RNLS: variants seen among roughly 807,000 people sequenced by gnomAD.
RNLS encodes the protein renalase.
A neutral mutation model predicts 39.8 loss-of-function variants in RNLS; 39 were observed. The observed-to-expected ratio is 0.98, with a 90% CI of 0.76 to 1.28. RNLS has a LOEUF of 1.28. Among genes scored for constraint, RNLS ranks in the 50% most tolerant of loss-of-function variants. The pLI is 0.00. For missense variants in RNLS, 410 were observed against 413.3 expected, an observed-to-expected ratio of 0.99 and a Z score of 0.07; for synonymous variants, 147 against 150.7, an observed-to-expected ratio of 0.98 and a Z score of 0.18.
chr10:88,455,719 A>G (rs1667992982), intron 4 of RNLS, among the ~76,000 whole-genome samples: 1 of 152,134 alleles, frequency 6.6e-6, no homozygotes, highest in Admixed American at 6.6e-5. Flanking sequence ...AATTAATTTT[A>G]AATCCTCCCT....
intron 4 of RNLS, among the ~76,000 whole-genome samples, chr10:88,433,169 G>T (rs1295230417): frequency 1.3e-5 from 2 of 152,074 alleles, no homozygotes; most frequent in African/African-American, 2.4e-5. Flanking sequence ...CAGGTCTGAT[G>T]ACTTGAGGTA....
the RNLS span, among the ~76,000 whole-genome samples, chr10:88,197,615 T>C: frequency 6.6e-6 from 1 of 152,180 alleles, no homozygotes; most frequent in Non-Finnish European, 1.5e-5. Context: ...CCCAATGACA[T>C]GGATTGAATT....
At chr10:88,231,968 G>GTGTGTGTGTGTGTGTGTGTGTC in the RNLS span, among the ~76,000 whole-genome samples, 9 of 142,176 alleles carry the variant, frequency 6.3e-5, no homozygotes, top group South Asian at 2.2e-4. Context: ...GTGTGTGTGT[G>GTGTGTGTGTGTGTGTGTGTGTC]TGTCTGTCTC....
chr10:88,245,398 G>A, the RNLS span, among the ~76,000 whole-genome samples: 1 of 152,182 alleles, frequency 6.6e-6, no homozygotes, highest in Non-Finnish European at 1.5e-5. Context: ...AAGAGCTGCA[G>A]TCTCAGAATC....
chr10:88,568,126 A>G (rs975373548), intron 4 of RNLS, among the ~76,000 whole-genome samples: 2 of 152,218 alleles, frequency 1.3e-5, no homozygotes, highest in African/African-American at 4.8e-5. Flanking sequence ...AAATCTGTGC[A>G]GATACTGACA....
chr10:88,479,463 A>G (rs1410486934), intron 4 of RNLS, among the ~76,000 whole-genome samples: 4 of 152,184 alleles, frequency 2.6e-5, no homozygotes, highest in East Asian at 3.8e-4. Flanking sequence ...TTAAGTATTC[A>G]CCACATAATA....
At chr10:88,383,045 C>T (rs764312327) in intron 4 of RNLS, among the ~76,000 whole-genome samples, 2 of 152,074 alleles carry the variant, frequency 1.3e-5, no homozygotes, top group Non-Finnish European at 2.9e-5. Flanking sequence ...ATCAGCGGTG[C>T]TTTGTGGAAC....
chr10:88,526,895 A>G (rs1847133436), intron 4 of RNLS, among the ~76,000 whole-genome samples: 1 of 152,102 alleles, frequency 6.6e-6, no homozygotes, highest in Non-Finnish European at 1.5e-5. Context: ...AACTGCAGAA[A>G]TGTTAAGGAA....
intron 3 of RNLS, among the ~76,000 whole-genome samples, chr10:88,576,216 T>A (rs1258156981): frequency 6.6e-6 from 1 of 152,210 alleles, no homozygotes; most frequent in Non-Finnish European, 1.5e-5. Context: ...TATAATTAGT[T>A]TAATGTCTTT....
the RNLS span, among the ~76,000 whole-genome samples, chr10:88,185,280 T>C: frequency 3.9e-5 from 6 of 152,160 alleles, no homozygotes; most frequent in Admixed American, 1.3e-4. Context: ...CTCTACCTCA[T>C]TGGCCATTAA....
At chr10:88,382,697 C>CAAAT (rs1851622163) in intron 4 of RNLS, among the ~76,000 whole-genome samples, 1 of 152,032 alleles carries the variant, frequency 6.6e-6, no homozygotes, top group Admixed American at 6.6e-5. Flanking sequence ...AAAGACAAGG[C>CAAAT]AAGTAATTTT....
chr10:88,245,291 C>T, the RNLS span, among the ~76,000 whole-genome samples: 45,632 of 152,050 alleles, frequency 0.3, 7,315 homozygotes, highest in East Asian at 0.59. Context: ...TTGCCCAGCA[C>T]CATTGTTCGT....
intron 4 of RNLS, among the ~76,000 whole-genome samples, chr10:88,402,372 T>A (rs1458601809): frequency 6.6e-5 from 10 of 151,940 alleles, no homozygotes; most frequent in Non-Finnish European, 1.3e-4. Flanking sequence ...AATACTAAAC[T>A]TGTTTTTTAA....
chr10:88,338,902 C>T (rs1313785884), intron 5 of RNLS, among the ~76,000 whole-genome samples: 1 of 152,064 alleles, frequency 6.6e-6, no homozygotes, highest in East Asian at 1.9e-4. Flanking sequence ...GCTGGGACTA[C>T]AGGCGCCCGC....
intron 4 of RNLS, among the ~76,000 whole-genome samples, chr10:88,418,538 C>A (rs1854180417): frequency 1.3e-5 from 2 of 152,174 alleles, no homozygotes; most frequent in South Asian, 4.1e-4. Context: ...CTTTAGCCAT[C>A]CAAAATGGCT....
intron 5 of RNLS, among the ~76,000 whole-genome samples, chr10:88,330,085 AT>A (rs1846988491): frequency 7.4e-6 from 1 of 134,542 alleles, no homozygotes; most frequent in South Asian, 2.4e-4. Context: ...ATATATATAT[AT>A]ATATAAATAT....
intron 4 of RNLS, among the ~76,000 whole-genome samples, chr10:88,468,198 A>G (rs1843319858): frequency 6.6e-6 from 1 of 152,184 alleles, no homozygotes; most frequent in Admixed American, 6.6e-5. Context: ...TTTGCTCAGC[A>G]CTCACAAATT....
the RNLS span, among the ~76,000 whole-genome samples, chr10:88,243,157 C>T: frequency 6.6e-6 from 1 of 152,286 alleles, no homozygotes; most frequent in South Asian, 2.1e-4. Flanking sequence ...GTGCCAGGAA[C>T]ATAAGGGATA....
At chr10:88,546,030 G>A (rs1248379723) in intron 4 of RNLS, among the ~76,000 whole-genome samples, 1 of 152,078 alleles carries the variant, frequency 6.6e-6, no homozygotes, top group Non-Finnish European at 1.5e-5. Context: ...GCCCTAAACT[G>A]GTAGGGGGGA....
Sources: allele counts gnomAD v4.1 joint callset (sites outside exome capture counted in the v4.1 genomes callset), GRCh38; gene constraint gnomAD v4.1.1; transcripts MANE v1.5; gene names NCBI Gene and HGNC (gene_info 2026-07-23, HGNC 2026-07-21).